Variants in ADGRL3 observed in about 807,000 individuals in gnomAD.
The protein encoded by ADGRL3 is calcium-independent alpha-latrotoxin receptor 3.
Under a neutral mutation model 153.5 loss-of-function variants are expected in ADGRL3, and 62 were observed. The observed-to-expected ratio is 0.40, with a 90% CI of 0.33 to 0.50. The LOEUF (loss-of-function observed/expected upper bound fraction) is 0.50. Among genes scored for constraint, ADGRL3 ranks in the 20% least tolerant of loss-of-function variants. The pLI is 0.47. For synonymous variants in ADGRL3, 710 were observed against 672.5 expected (o/e 1.06, Z -0.86); for missense variants, 1,641 against 1,859.4 (o/e 0.88, Z 2.16).
intron 9 of ADGRL3, among the ~76,000 whole-genome samples, chr4:61,852,837 T>G (rs866463472): frequency 7.5e-6 from 1 of 132,594 alleles, no homozygotes; most frequent in African/African-American, 3.1e-5. Context: ...TTTATTTATT[T>G]ATTTATTTAT....
At position 61,234,649 on chromosome 4, in the gene ADGRL3, C is replaced by T. The variant is rs117507527; in HGVS notation, c.-240+32884C>T. 4.0e-4 allele frequency among the ~76,000 whole-genome samples: 61 copies of T among 152,156 alleles called. No individual in the cohort carries two copies. The East Asian group carries it at 0.011, about 28-fold the overall frequency. On this transcript the variant is annotated intron_variant, in intron 1 of 26. Coordinates refer to ENST00000683033, the MANE Select transcript of ADGRL3 (RefSeq NM_001387552.1). ...TAGTCAGTGAGCCTGGAGGGTTGGT[C>T]GGAGAGCTTGGAGCTTAGAATAGAA...
chr4:61,824,952 C>T (rs142600887), intron 9 of ADGRL3, among the ~76,000 whole-genome samples: 306 of 152,290 alleles, frequency 2.0e-3, no homozygotes, highest in Non-Finnish European at 3.9e-3. Context: ...CATCAGCCTA[C>T]ATAGTACCAC....
At chr4:61,284,854 C>T (rs1014846576) in intron 1 of ADGRL3, among the ~76,000 whole-genome samples, 2 of 151,620 alleles carry the variant, frequency 1.3e-5, no homozygotes, top group African/African-American at 4.8e-5. Flanking sequence ...ATTTTTCATG[C>T]CTCTTTTCCT....
intron 2 of ADGRL3, among the ~76,000 whole-genome samples, chr4:61,423,772 A>G (rs951832044): frequency 1.3e-5 from 2 of 152,110 alleles, no homozygotes. Context: ...TTGGAAATGC[A>G]TTGTTTTGGA....
chr4:61,749,508 A>C (rs1248542502), intron 8 of ADGRL3, among the ~76,000 whole-genome samples: 1 of 152,230 alleles, frequency 6.6e-6, no homozygotes, highest in African/African-American at 2.4e-5. Context: ...GCACATATAC[A>C]CCGTGGAATA....
At chr4:61,959,987 T>G (rs2098981764) in intron 17 of ADGRL3, among the ~76,000 whole-genome samples, 1 of 152,172 alleles carries the variant, frequency 6.6e-6, no homozygotes, top group Admixed American at 6.5e-5. Context: ...ATGTATTTAT[T>G]TAAGGAAAAA....
chr4:61,963,265 C>G (rs1020395799), intron 17 of ADGRL3, among the ~76,000 whole-genome samples: 45 of 145,434 alleles, frequency 3.1e-4, no homozygotes, highest in African/African-American at 1.1e-3. Flanking sequence ...TTTTTCCTTT[C>G]CAACTTTCAT....
rs544217479 is a variant in ADGRL3, at chr4:61,895,482, A to AATG, written c.1784-247_1784-246insGAT. The stretch of plus-strand genomic sequence containing the variant: ...CTCCATCTCAAATAATAATAATAAT[A>AATG]ATAATAATAATAATAATAGTCCCCA... On this transcript the variant is annotated intron_variant, in intron 10 of 26. Coordinates refer to ENST00000683033, the MANE Select transcript of ADGRL3 (RefSeq NM_001387552.1). 3.8e-3 allele frequency among the ~76,000 whole-genome samples: 583 copies of AATG among 151,630 alleles called. 8 individuals carry two copies. Among genetic ancestry groups the AATG allele is most frequent in the African/African-American group, 0.014 (558 of 41,312 alleles).
At chr4:61,950,628 C>G (rs1278581470) in intron 17 of ADGRL3, among the ~76,000 whole-genome samples, 1 of 152,170 alleles carries the variant, frequency 6.6e-6, no homozygotes, top group African/African-American at 2.4e-5. Context: ...TACACACAGA[C>G]TGGGTGGTCT....
At chr4:61,324,719 A>T (rs2095431070) in intron 1 of ADGRL3, among the ~76,000 whole-genome samples, 1 of 152,150 alleles carries the variant, frequency 6.6e-6, no homozygotes, top group African/African-American at 2.4e-5. Context: ...GATTTTGAAA[A>T]TTTTTACTGA....
chr4:61,622,980 A>G (rs142980690), intron 5 of ADGRL3, among the ~76,000 whole-genome samples: 6 of 152,262 alleles, frequency 3.9e-5, no homozygotes, highest in African/African-American at 1.4e-4. Context: ...TTTTTATTTC[A>G]GAGGGAAACA....
chr4:61,864,102 A>T (rs1489233332), intron 9 of ADGRL3, among the ~76,000 whole-genome samples: 3 of 152,248 alleles, frequency 2.0e-5, no homozygotes, highest in Non-Finnish European at 4.4e-5. Context: ...ACTGTACTCA[A>T]TGCTGCTATA....
chr4:61,723,716 G>T (rs752706074), intron 6 of ADGRL3, among the ~76,000 whole-genome samples: 1 of 152,110 alleles, frequency 6.6e-6, no homozygotes, highest in Non-Finnish European at 1.5e-5. Flanking sequence ...GGAGGGAACC[G>T]CCATGTTGGG....
At chr4:61,936,662 T>A (rs977609145) in intron 15 of ADGRL3, among the ~76,000 whole-genome samples, 6 of 152,012 alleles carry the variant, frequency 3.9e-5, no homozygotes, top group African/African-American at 1.5e-4. Flanking sequence ...TGCATGTATC[T>A]GTATGTGTGT....
At chr4:61,580,762 T>A (rs541706341) in intron 4 of ADGRL3, among the ~76,000 whole-genome samples, 1 of 152,108 alleles carries the variant, frequency 6.6e-6, no homozygotes, top group Admixed American at 6.6e-5. Context: ...CCCTGGACCT[T>A]TCCATGGGAC....
At chr4:61,456,407 A>ATC (rs758734079) in intron 2 of ADGRL3, among the ~76,000 whole-genome samples, 1 of 45,398 alleles carries the variant, frequency 2.2e-5, no homozygotes, top group Non-Finnish European at 5.5e-5. Context: ...CTATATCTAT[A>ATC]TATATATAGA....
chr4:61,375,092 A>G (rs924597176), intron 1 of ADGRL3, among the ~76,000 whole-genome samples: 6 of 152,080 alleles, frequency 3.9e-5, no homozygotes, highest in African/African-American at 1.4e-4. Flanking sequence ...CATAAAAATC[A>G]TTTTTCTGGA....
At chr4:61,934,698 C>G in intron 13 of ADGRL3, 142 bp from the exon 14 acceptor site, 1 of 572,186 alleles carries the variant, frequency 1.7e-6, no homozygotes, top group Non-Finnish European at 3.1e-6. Flanking sequence ...TCTGCTGCAG[C>G]ATGTCACAGG....
In ADGRL3 at chr4:61,944,920, CCTT is replaced by C. The variant is rs1055328446; in HGVS notation, c.2420-1988_2420-1986del. Among the ~76,000 whole-genome samples the C allele has an allele frequency of 1.0e-4, 9 of 86,340 alleles. 1 individual carries two copies. The highest frequency in any genetic ancestry group is 3.0e-4 in the Admixed American group (2 of 6,606). 56.6% of individuals were successfully genotyped at this position (86,340 alleles called of 152,430 possible). ...CTCAGAGTAATTTGATCGTCTGAAG[CCTT>C]CTTCTCTCAGCTCGTCAAAATCATT... On this transcript the variant is annotated intron_variant, in intron 15 of 26. Transcript: ENST00000683033.
Sources: gnomAD v4.1 joint callset for allele counts (sites outside exome capture counted in the v4.1 genomes callset) on GRCh38, gnomAD v4.1.1 for gene constraint, MANE v1.5 for transcripts, NCBI Gene and HGNC (gene_info 2026-07-23, HGNC 2026-07-21) for gene names.